ZFP69: variants seen among roughly 807,000 people sequenced by gnomAD.
The protein encoded by ZFP69 is ZFP69 zinc finger protein, also known as zinc finger protein 69 homolog.
A neutral mutation model predicts 48.9 loss-of-function variants in ZFP69; 35 were observed. That is an observed-to-expected ratio of 0.72 (90% confidence interval 0.55 to 0.95). The LOEUF is 0.95. Ranked by LOEUF, ZFP69 falls within the 40% of genes least tolerant of loss-of-function variation. ZFP69 has a pLI of 0.00. For synonymous variants in ZFP69, 193 were observed against 216.8 expected (o/e 0.89, Z 0.96); for missense variants, 557 against 638.4 (o/e 0.87, Z 1.37).
chr1:40,489,234 G>A lies in ZFP69; in HGVS notation c.346+20G>A, dbSNP rs751904929. On this transcript the variant is annotated intron_variant, in intron 4 of 5. Coordinates refer to ENST00000372706, the MANE Select transcript of ZFP69 (RefSeq NM_001320179.2). ...CAGTGGGTAAGACTTGGCTATCCAT[G>A]CATCCAGAAACCCACCCATTACAGG... is the stretch of plus-strand genomic sequence containing the variant. The A allele has an allele frequency of 3.1e-6, 5 of 1,612,722 alleles. No individual in the cohort carries two copies. The highest frequency in any genetic ancestry group is 4.2e-6 in the Non-Finnish European group (5 of 1,179,158).
rs56706952 is a variant in ZFP69, at chr1:40,483,226, A to ATTTTTTTTTTTTTTTTTTTTTTTTTTTTT, written c.219+1392_219+1393insTTTTTTTTTTTTTTTTTTTTTTTTTTTTT. ...AAAATCAAACCATACACCTTTTTTA[A>ATTTTTTTTTTTTTTTTTTTTTTTTTTTTT]TTTTTTTTTTTTTTTTTTTTAGAGA... On this transcript the variant is annotated intron_variant, in intron 3 of 5. Coordinates refer to ENST00000372706, the MANE Select transcript of ZFP69 (RefSeq NM_001320179.2). 5.1e-5 allele frequency among the ~76,000 whole-genome samples: 6 copies of ATTTTTTTTTTTTTTTTTTTTTTTTTTTTT among 116,958 alleles called. 2 individuals are homozygous for ATTTTTTTTTTTTTTTTTTTTTTTTTTTTT. Among genetic ancestry groups the ATTTTTTTTTTTTTTTTTTTTTTTTTTTTT allele is most frequent in the African/African-American group, 2.2e-4 (6 of 27,262 alleles). The allele number at this position is 116,958 out of a possible 152,430, so 76.7% of individuals were successfully genotyped here.
intron 5 of ZFP69, among the ~76,000 whole-genome samples, chr1:40,491,456 T>TA (rs1233748642): frequency 6.6e-6 from 1 of 152,244 alleles, no homozygotes; most frequent in East Asian, 1.9e-4. Context: ...TCAAAGCAGT[T>TA]ACACCAGGTT....
chr1:40,487,368 C>A (rs536782101), intron 3 of ZFP69, among the ~76,000 whole-genome samples: 5 of 151,606 alleles, frequency 3.3e-5, no homozygotes, highest in Non-Finnish European at 5.9e-5. Flanking sequence ...CTAGGAGTAT[C>A]AAAAAAATTA....
At chr1:40,491,763 A>ATATGTGTGTGTG (rs1553129548) in intron 5 of ZFP69, among the ~76,000 whole-genome samples, 3 of 129,448 alleles carry the variant, frequency 2.3e-5, no homozygotes, top group Non-Finnish European at 3.2e-5. Context: ...GTGTGTGTGT[A>ATATGTGTGTGTG]TGTGTGTGTG....
chr1:40,487,327 T>C (rs961742585), intron 3 of ZFP69, among the ~76,000 whole-genome samples: 5 of 152,100 alleles, frequency 3.3e-5, no homozygotes, highest in Non-Finnish European at 2.9e-5. Context: ...TTTGTGACAA[T>C]TTGAAAAAAC....
intron 2 of ZFP69, 60 bp from the exon 3 acceptor site, chr1:40,481,703 A>C (rs1275732485): frequency 7.1e-7 from 1 of 1,403,236 alleles, no homozygotes; most frequent in Non-Finnish European, 9.8e-7. Context: ...GTCTGCAGGC[A>C]ATTTCTTTAT....
At chr1:40,485,484 C>T (rs1645487482) in intron 3 of ZFP69, among the ~76,000 whole-genome samples, 1 of 151,734 alleles carries the variant, frequency 6.6e-6, no homozygotes, top group South Asian at 2.1e-4. Flanking sequence ...CTTAATTTTG[C>T]TTTTAATAGT....
In ZFP69 at chr1:40,483,226, A is replaced by ATTTTTTTTTTTTTTTTTTTTTT. The variant is rs56706952; in HGVS notation, c.219+1392_219+1393insTTTTTTTTTTTTTTTTTTTTTT. ...AAAATCAAACCATACACCTTTTTTAATTTTTTTTTTTTTTTTTTTTAGAGA... is the reference window on the plus strand; with the variant it reads ...AAAATCAAACCATACACCTTTTTTAATTTTTTTTTTTTTTTTTTTTTTTTTTTTTTTTTTTTTTTTTTAGAGA... On this transcript the variant is annotated intron_variant, in intron 3 of 5. Coordinates refer to ENST00000372706, the MANE Select transcript of ZFP69 (RefSeq NM_001320179.2). Among the ~76,000 whole-genome samples the ATTTTTTTTTTTTTTTTTTTTTT allele has an allele frequency of 2.4e-3, 286 of 116,906 alleles. 28 individuals carry two copies. The highest frequency in any genetic ancestry group is 9.4e-3 in the African/African-American group (255 of 27,226). 76.7% of individuals were successfully genotyped at this position (116,906 alleles called of 152,430 possible).
intron 5 of ZFP69, among the ~76,000 whole-genome samples, chr1:40,492,845 T>A (rs1412013906): frequency 1.3e-5 from 2 of 152,238 alleles, no homozygotes; most frequent in Non-Finnish European, 2.9e-5. Flanking sequence ...TCTGAAAATC[T>A]TATATTTTGT....
Position 40,479,442 on chromosome 1 carries a change from G to T in ZFP69, c.81G>T (p.Glu27Asp). 1 of 1,614,042 alleles carries T rather than the reference G, an allele frequency of 6.2e-7. No individual in the cohort carries two copies. The highest frequency in any genetic ancestry group is 8.5e-7 in the Non-Finnish European group (1 of 1,179,938). ...VKLQHPKKAV[E>D]GAPLWEDVTK... is the part of the protein sequence containing the mutation. Reference sequence around the variant, plus strand: ...TGCAACATCCAAAGAAGGCCGTGGAGGGGGCGCCCCTGTGGGAGGATGTGA... The same window carrying T: ...TGCAACATCCAAAGAAGGCCGTGGATGGGGCGCCCCTGTGGGAGGATGTGA... The change falls in exon 2 of 6, where the codon GAG becomes GAT. Residue 27 changes from glutamate (E) to aspartate (D), a missense_variant. Transcript: ENST00000372706.
rs772897701 is a variant in ZFP69, at chr1:40,495,910, C to T, written c.1432C>T (p.His478Tyr). The stretch of plus-strand genomic sequence containing the variant: ...CAACCGCTGTGGAAAAGCCTATAGG[C>T]ATGATTCATCCTTTAAAAAACATCA... ...ECNRCGKAYR[H>Y]DSSFKKHQRH... The change falls in exon 6 of 6, where the codon CAT (histidine) becomes TAT (tyrosine). Residue 478 changes from histidine to tyrosine, a missense_variant. Coordinates refer to ENST00000372706, the MANE Select transcript of ZFP69 (RefSeq NM_001320179.2). The T allele has an allele frequency of 1.2e-6, 2 of 1,614,136 alleles. No individual in the cohort carries two copies. Among genetic ancestry groups the T allele is most frequent in the South Asian group, 2.2e-5 (2 of 91,074 alleles).
At chr1:40,484,883 CTT>C (rs71060386) in intron 3 of ZFP69, among the ~76,000 whole-genome samples, 253 of 44,324 alleles carry the variant, frequency 5.7e-3, no homozygotes, top group Non-Finnish European at 7.0e-3. Flanking sequence ...GCCTGGCCTG[CTT>C]TTTTTTTTTT....
chr1:40,481,690 TG>T, intron 2 of ZFP69, 72 bp from the exon 3 acceptor site: 3 of 1,208,326 alleles, frequency 2.5e-6, no homozygotes, highest in Non-Finnish European at 3.5e-6. Context: ...CCACATTGAG[TG>T]GGTCTGCAGG....
In ZFP69 at chr1:40,489,982, G is replaced by A. The variant is rs575440708; in HGVS notation, c.442+358G>A. 6.7e-4 allele frequency among the ~76,000 whole-genome samples: 101 copies of A among 149,644 alleles called. 1 individual carries two copies. The highest frequency in any genetic ancestry group is 2.3e-3 in the African/African-American group (95 of 40,572). On this transcript the variant is annotated intron_variant, in intron 5 of 5. Transcript: ENST00000372706. ...CCTCTGGAGTTCAAGCGATTCTCCT[G>A]CCTCAGCCTCCCGAGTAGCTGGGAC...
chr1:40,495,317 TCAAA>T lies in ZFP69; in HGVS notation c.843_846del (p.Lys281AsnfsTer9). On this transcript the variant is annotated frameshift_variant, in exon 6 of 6. Coordinates refer to ENST00000372706, the MANE Select transcript of ZFP69 (RefSeq NM_001320179.2). LOFTEE classifies it high-confidence loss of function. ...GAATGTAATATATGTGAAAAAATCT[TCAAA>T]CAACCTATTCACCTTACTGAACATA... 6.2e-7 allele frequency: 1 copy of T among 1,614,158 alleles called. No homozygotes were observed. Among genetic ancestry groups the T allele is most frequent in the Non-Finnish European group, 8.5e-7 (1 of 1,180,028 alleles).
At chr1:40,490,169 G>A (rs1425792072) in intron 5 of ZFP69, among the ~76,000 whole-genome samples, 1 of 152,010 alleles carries the variant, frequency 6.6e-6, no homozygotes, top group Non-Finnish European at 1.5e-5. Flanking sequence ...CCAGGCTGGT[G>A]CCAGGCTTTT....
At chr1:40,494,017 C>T (rs954978305) in intron 5 of ZFP69, among the ~76,000 whole-genome samples, 3 of 151,726 alleles carry the variant, frequency 2.0e-5, no homozygotes, top group Non-Finnish European at 4.4e-5. Context: ...TATATATATA[C>T]ACACACACAA....
chr1:40,495,229 C>T lies in ZFP69; in HGVS notation c.751C>T (p.Arg251Trp), dbSNP rs370592889. The change falls in exon 6 of 6, where the codon CGG (arginine) becomes TGG (tryptophan). Residue 251 changes from arginine (R) to tryptophan (W), a missense_variant. Coordinates refer to ENST00000372706, the MANE Select transcript of ZFP69 (RefSeq NM_001320179.2). ...CCATAAATATGATACACCTACAAAGCGGAACACATACAAATTAGATTTGAT... is the reference window on the plus strand; with the variant it reads ...CCATAAATATGATACACCTACAAAGTGGAACACATACAAATTAGATTTGAT... ...RHHKYDTPTK[R>W]NTYKLDLINH... is the part of the protein sequence containing the mutation. 1.2e-4 allele frequency: 192 copies of T among 1,613,924 alleles called. No homozygotes were observed. Among genetic ancestry groups the T allele is most frequent in the Middle Eastern group, 1.6e-4 (1 of 6,062 alleles).
At chr1:40,481,666 T>G in intron 2 of ZFP69, 97 bp from the exon 3 acceptor site, 6 of 917,536 alleles carry the variant, frequency 6.5e-6, no homozygotes, top group Non-Finnish European at 9.9e-6. Flanking sequence ...TTGTGAACCT[T>G]TTTGGGGGAG....
Sources: allele counts gnomAD v4.1 joint callset (sites outside exome capture counted in the v4.1 genomes callset), GRCh38; gene constraint gnomAD v4.1.1; transcripts MANE v1.5; gene names NCBI Gene and HGNC (gene_info 2026-07-23, HGNC 2026-07-21).